The following SREBF2 variants were observed in gnomAD, a reference collection of about 807,000 sequenced individuals.
SREBF2 encodes the protein sterol regulatory element-binding protein 2.
In SREBF2, 55 loss-of-function variants were observed where a neutral mutation model predicts 113.1. The observed-to-expected ratio is 0.49, with a 90% confidence interval of 0.39 to 0.61. SREBF2 has a LOEUF of 0.61. Among genes scored for constraint, SREBF2 ranks in the 20% least tolerant of loss-of-function variants. SREBF2 has a pLI of 0.00. For synonymous variants in SREBF2, 593 were observed against 605.7 expected (o/e 0.98, Z 0.31); for missense variants, 1,349 against 1,487.4 (o/e 0.91, Z 1.53).
chr22:41,886,551 A>C (rs1003625290), intron 11 of SREBF2, among the ~76,000 whole-genome samples: 1 of 152,134 alleles, frequency 6.6e-6, no homozygotes, highest in African/African-American at 2.4e-5. Flanking sequence ...GCTTGAAGTG[A>C]AGTTACCCAT....
At chr22:41,850,556 G>A (rs772448061) in intron 1 of SREBF2, among the ~76,000 whole-genome samples, 7 of 151,924 alleles carry the variant, frequency 4.6e-5, no homozygotes, top group Non-Finnish European at 7.4e-5. Context: ...TCCCCAAGTT[G>A]TGATGAGCAT....
chr22:41,834,659 C>T (rs1031756054), intron 1 of SREBF2: 1 of 152,472 alleles, frequency 6.6e-6, no homozygotes, highest in Non-Finnish European at 1.5e-5. Flanking sequence ...TCCCATTTTG[C>T]TTTTGTAATA....
chr22:41,853,340 C>T (rs904234052), intron 1 of SREBF2, among the ~76,000 whole-genome samples: 2 of 152,184 alleles, frequency 1.3e-5, no homozygotes, highest in African/African-American at 2.4e-5. Context: ...CCTGCCTTGG[C>T]TCTTGAGGTT....
chr22:41,877,479 G>A, intron 8 of SREBF2, 58 bp downstream of exon 8: 1 of 1,582,770 alleles, frequency 6.3e-7, no homozygotes, highest in Non-Finnish European at 8.6e-7. Flanking sequence ...GCAGGAGAAG[G>A]ACCCTGTGTA....
intron 1 of SREBF2, among the ~76,000 whole-genome samples, chr22:41,839,956 C>CTTTTTTTTTT (rs10588397): frequency 8.5e-6 from 1 of 117,594 alleles, no homozygotes; most frequent in Non-Finnish European, 1.7e-5. Flanking sequence ...TGCTTAGTTT[C>CTTTTTTTTTT]TTTTTTTTTT....
intron 10 of SREBF2, among the ~76,000 whole-genome samples, chr22:41,883,801 G>A (rs975118853): frequency 5.3e-5 from 8 of 152,174 alleles, no homozygotes; most frequent in African/African-American, 7.2e-5. Context: ...GGATGAGCAC[G>A]GGAAGCCTGG....
Position 41,900,506 on chromosome 22 carries a change from G to A in SREBF2, c.2907+8G>A. ...GACCCTGCCCTCAACCACGTGAGTG[G>A]GAGCTGAGTTGGCCCCTGGGGGAGG... is the stretch of plus-strand genomic sequence containing the variant. On this transcript the variant is annotated splice_region_variant and intron_variant, in intron 16 of 18. Transcript: ENST00000361204. The A allele has an allele frequency of 6.2e-7, 1 of 1,611,920 alleles. No individual in the cohort carries two copies. Among genetic ancestry groups the A allele is most frequent in the Admixed American group, 1.7e-5 (1 of 59,988 alleles).
chr22:41,875,982 G>A (rs1048210779), intron 7 of SREBF2, among the ~76,000 whole-genome samples: 3 of 152,240 alleles, frequency 2.0e-5, no homozygotes, highest in East Asian at 1.9e-4. Flanking sequence ...GATCCAGAAC[G>A]AGAATGCAGA....
chr22:41,887,994 A>G (rs1286217837), intron 11 of SREBF2, among the ~76,000 whole-genome samples: 1 of 152,184 alleles, frequency 6.6e-6, no homozygotes, highest in Non-Finnish European at 1.5e-5. Context: ...CATTTGGACT[A>G]TCTGTCGTCT....
At chr22:41,845,411 GC>G (rs1212202822) in intron 1 of SREBF2, among the ~76,000 whole-genome samples, 1 of 152,198 alleles carries the variant, frequency 6.6e-6, no homozygotes, top group Non-Finnish European at 1.5e-5. Context: ...GATTCAGGAA[GC>G]CTGTCTGTCT....
chr22:41,901,072 G>A (rs1410468691), intron 16 of SREBF2: 3 of 457,738 alleles, frequency 6.6e-6, no homozygotes, highest in African/African-American at 2.0e-5. Context: ...TGGGGGAGGG[G>A]ATCCTGATAG....
chr22:41,899,720 G>A (rs1356746875), intron 15 of SREBF2, among the ~76,000 whole-genome samples: 4 of 152,204 alleles, frequency 2.6e-5, no homozygotes, highest in African/African-American at 9.6e-5. Flanking sequence ...TGAGGACACT[G>A]AGACTCAGCA....
chr22:41,903,910 A>G (rs975925751), intron 17 of SREBF2, among the ~76,000 whole-genome samples: 2 of 152,208 alleles, frequency 1.3e-5, no homozygotes, highest in Non-Finnish European at 2.9e-5. Flanking sequence ...GACAGACACA[A>G]CAGACAGTAT....
At chr22:41,843,066 C>T (rs1402898856) in intron 1 of SREBF2, among the ~76,000 whole-genome samples, 1 of 152,006 alleles carries the variant, frequency 6.6e-6, no homozygotes, top group African/African-American at 2.4e-5. Flanking sequence ...GTGATGTTTG[C>T]ACAATGAAGC....
intron 4 of SREBF2, among the ~76,000 whole-genome samples, chr22:41,872,228 C>A (rs915384500): frequency 7.0e-6 from 1 of 143,630 alleles, no homozygotes; most frequent in East Asian, 2.0e-4. Context: ...CCAGCCCGGG[C>A]GACAGAGCAA....
chr22:41,852,713 C>G (rs1270176078), intron 1 of SREBF2, among the ~76,000 whole-genome samples: 3 of 132,446 alleles, frequency 2.3e-5, no homozygotes, highest in Non-Finnish European at 4.8e-5. Context: ...CAGCCATTCT[C>G]ATACTCTCAG....
chr22:41,874,170 C>G, intron 5 of SREBF2, 151 bp downstream of exon 5: 1 of 802,464 alleles, frequency 1.2e-6, no homozygotes, highest in Non-Finnish European at 2.0e-6. Context: ...GGTGTCATGT[C>G]AAGATTATAA....
In SREBF2 at chr22:41,833,251, CT is replaced by C. The variant is rs749751034; in HGVS notation, c.-18del. On this transcript the variant is annotated 5_prime_UTR_variant, in exon 1 of 19. Coordinates refer to ENST00000361204, the MANE Select transcript of SREBF2 (RefSeq NM_004599.4). The surrounding 1 kb of genome is among the most constrained non-coding windows in gnomAD (Gnocchi z 4.1). ...TCCCTGAGCGGGACGGCAGGGGGGGCTTCTGCGCTGAGCCGGGCGATGGACG... is the reference window on the plus strand; with the variant it reads ...TCCCTGAGCGGGACGGCAGGGGGGGCTCTGCGCTGAGCCGGGCGATGGACG... The C allele has an allele frequency of 5.7e-5, 86 of 1,517,592 alleles. No homozygotes were observed. In the South Asian group the frequency reaches 1.0e-3, roughly 18 times the overall value. 94.0% of individuals were successfully genotyped at this position (1,517,592 alleles called of 1,614,324 possible). A position where few individuals can be genotyped will look rare whatever the true frequency, so the allele number is the denominator to read the frequency against.
chr22:41,852,209 C>A (rs1012394052), intron 1 of SREBF2, among the ~76,000 whole-genome samples: 14 of 151,402 alleles, frequency 9.2e-5, no homozygotes, highest in African/African-American at 1.7e-4. Context: ...AAGGAAAAAA[C>A]CAGAAAAAAA....
Sources: gnomAD v4.1 joint callset for allele counts (sites outside exome capture counted in the v4.1 genomes callset) on GRCh38, gnomAD v4.1.1 for gene constraint, Gnocchi (gnomAD v3.1) non-coding constraint, MANE v1.5 for transcripts, NCBI Gene and HGNC (gene_info 2026-07-23, HGNC 2026-07-21) for gene names.